The following NELL1 variants were observed in gnomAD, a reference collection of about 807,000 sequenced individuals.
NELL1 encodes the protein neural EGFL like 1.
NELL1 carries 76 observed loss-of-function variants against 107.4 expected under a neutral mutation model. That is an observed-to-expected ratio of 0.71 (90% CI 0.59 to 0.86). The LOEUF is 0.86. NELL1 is among the 40% of genes least tolerant of loss of function. The pLI is 0.00. For synonymous variants in NELL1, 353 were observed against 341.2 expected (o/e 1.03, Z -0.38); for missense variants, 1,024 against 1,005.5 (o/e 1.02, Z -0.25).
chr11:21,149,223 C>G (rs1002867903), intron 13 of NELL1, among the ~76,000 whole-genome samples: 1 of 152,196 alleles, frequency 6.6e-6, no homozygotes, highest in Non-Finnish European at 1.5e-5. Flanking sequence ...GATACATCCC[C>G]TCTAACTGTA....
rs149201326 is a variant in NELL1, at chr11:21,539,539, T to G, written c.1786+5025T>G. Among the ~76,000 whole-genome samples the G allele has an allele frequency of 3.2e-3, 479 of 151,794 alleles. 2 individuals carry two copies. Among genetic ancestry groups the G allele is most frequent in the African/African-American group, 0.01 (431 of 41,440 alleles). On this transcript the variant is annotated intron_variant, in intron 16 of 19. Transcript: ENST00000357134. Reference sequence around the variant, plus strand: ...GATGGATGCGGAGCTGGAAAGGGGATGGACTGGGAAGACGATCTTCCCCTG... The same window carrying G: ...GATGGATGCGGAGCTGGAAAGGGGAGGGACTGGGAAGACGATCTTCCCCTG...
At position 21,253,083 on chromosome 11, in the gene NELL1, C is replaced by T. The variant is rs1858680098; in HGVS notation, c.1549+23629C>T. The stretch of plus-strand genomic sequence containing the variant: ...AGGGTTATCAAGAAATGGTGGAAAA[C>T]ACCTCATTTGTAGACAACCAGGCAT... On this transcript the variant is annotated intron_variant, in intron 14 of 19. Coordinates refer to ENST00000357134, the MANE Select transcript of NELL1 (RefSeq NM_006157.5). Among the ~76,000 whole-genome samples the T allele has an allele frequency of 2.6e-5, 4 of 151,968 alleles. No homozygotes were observed. In the South Asian group the frequency reaches 8.3e-4, roughly 31 times the overall value.
chr11:21,490,353 G>A (rs962013124), intron 15 of NELL1, among the ~76,000 whole-genome samples: 2 of 150,948 alleles, frequency 1.3e-5, no homozygotes, highest in African/African-American at 4.9e-5. Flanking sequence ...TATTATAATG[G>A]CCATACTGTC....
In NELL1 at chr11:20,783,688, A is replaced by G; in HGVS notation, c.193A>G (p.Arg65Gly). The change falls in exon 3 of 20, where the codon AGA becomes GGA. Residue 65 changes from arginine (R) to glycine (G), a missense_variant. By Grantham distance (125) the Arg-to-Gly change is moderately radical (BLOSUM62 -2). Coordinates refer to ENST00000357134, the MANE Select transcript of NELL1 (RefSeq NM_006157.5). ...TTCTTCTTGATTCCTAGACATAGAA[A>G]GAGAGATCCATGCAGCTCCTCATGT... ...SKAFLFQDIE[R>G]EIHAAPHVSE... The G allele has an allele frequency of 6.2e-7, 1 of 1,612,876 alleles. No individual in the cohort carries two copies. Among genetic ancestry groups the G allele is most frequent in the South Asian group, 1.1e-5 (1 of 90,798 alleles).
intron 13 of NELL1, among the ~76,000 whole-genome samples, chr11:21,202,658 C>A (rs1857296293): frequency 6.6e-6 from 1 of 152,120 alleles, no homozygotes; most frequent in Non-Finnish European, 1.5e-5. Context: ...TATTTCTCAT[C>A]TTCTGCTAGC....
intron 14 of NELL1, among the ~76,000 whole-genome samples, chr11:21,322,297 C>T (rs1273931435): frequency 6.6e-6 from 1 of 152,028 alleles, no homozygotes; most frequent in African/African-American, 2.4e-5. Flanking sequence ...AGCTTATTTC[C>T]CCATCTGTGA....
chr11:20,921,873 T>C (rs1288344185), intron 7 of NELL1, among the ~76,000 whole-genome samples: 1 of 150,320 alleles, frequency 6.7e-6, no homozygotes, highest in East Asian at 2.0e-4. Context: ...TCCTTGGAAA[T>C]AGTGAAAATT....
At chr11:20,798,249 G>A (rs565282845) in intron 3 of NELL1, among the ~76,000 whole-genome samples, 8 of 152,240 alleles carry the variant, frequency 5.3e-5, no homozygotes, top group East Asian at 3.9e-4. Context: ...TTAAATCTTC[G>A]TCAGAAGAAA....
At chr11:20,927,224 G>A (rs1330332519) in intron 7 of NELL1, 84 bp from the exon 8 acceptor site, 19 of 1,326,848 alleles carry the variant, frequency 1.4e-5, no homozygotes, top group Non-Finnish European at 1.9e-5. Context: ...CTTCTCAGAA[G>A]GATTTTTTTT....
At chr11:21,052,387 ACT>A (rs1455998648) in intron 12 of NELL1, among the ~76,000 whole-genome samples, 5 of 152,062 alleles carry the variant, frequency 3.3e-5, no homozygotes, top group Admixed American at 3.3e-4. Context: ...CAGGCAGATC[ACT>A]TAGGAGGCTC....
In NELL1 at chr11:21,451,335, C is replaced by T. The variant is rs187581579; in HGVS notation, c.1645+80387C>T. Reference sequence around the variant, plus strand: ...TAATCTTTTGAATAACATAGCAGGGCTGATGTGTTGTTTGCAGATTATGGA... The same window carrying T: ...TAATCTTTTGAATAACATAGCAGGGTTGATGTGTTGTTTGCAGATTATGGA... On this transcript the variant is annotated intron_variant, in intron 15 of 19. Coordinates refer to ENST00000357134, the MANE Select transcript of NELL1 (RefSeq NM_006157.5). Among the ~76,000 whole-genome samples the T allele has an allele frequency of 2.7e-3, 418 of 152,120 alleles. 2 individuals carry two copies. Among genetic ancestry groups the T allele is most frequent in the African/African-American group, 9.5e-3 (396 of 41,514 alleles).
At chr11:20,997,460 G>A (rs1852116435) in intron 12 of NELL1, among the ~76,000 whole-genome samples, 2 of 152,120 alleles carry the variant, frequency 1.3e-5, no homozygotes, top group South Asian at 4.1e-4. Context: ...GGGGATTGTG[G>A]AACAGAATAA....
intron 12 of NELL1, among the ~76,000 whole-genome samples, chr11:21,004,124 G>A (rs957722739): frequency 1.3e-5 from 2 of 152,018 alleles, no homozygotes; most frequent in African/African-American, 2.4e-5. Flanking sequence ...GCACTTTATA[G>A]TACTTGTGGT....
intron 14 of NELL1, among the ~76,000 whole-genome samples, chr11:21,241,703 C>T (rs936431494): frequency 2.6e-5 from 4 of 152,078 alleles, no homozygotes; most frequent in South Asian, 2.1e-4. Flanking sequence ...GTGTGGTTCT[C>T]ACTTGCCTGT....
At chr11:21,078,298 A>G (rs988114456) in intron 12 of NELL1, among the ~76,000 whole-genome samples, 7 of 152,134 alleles carry the variant, frequency 4.6e-5, no homozygotes, top group African/African-American at 1.4e-4. Context: ...AAAGTTTAAG[A>G]GTTCAAAAAA....
chr11:20,862,998 A>G (rs10766729), intron 4 of NELL1, among the ~76,000 whole-genome samples: 100,399 of 151,834 alleles, frequency 0.66, 34,348 homozygotes, highest in Non-Finnish European at 0.76. Flanking sequence ...TCCCATGTCT[A>G]CTTCTTTCTA....
chr11:21,550,000 A>T (rs1423340980), intron 16 of NELL1, among the ~76,000 whole-genome samples: 1 of 151,794 alleles, frequency 6.6e-6, no homozygotes, highest in Non-Finnish European at 1.5e-5. Flanking sequence ...GGTTTTTCCC[A>T]TGAAGCCCAT....
At chr11:20,743,985 G>A (rs544109971) in intron 2 of NELL1, among the ~76,000 whole-genome samples, 6 of 152,118 alleles carry the variant, frequency 3.9e-5, no homozygotes, top group African/African-American at 1.4e-4. Context: ...CAAGATTTAG[G>A]GGCCATTCTT....
chr11:21,323,832 C>T (rs186972423), intron 14 of NELL1, among the ~76,000 whole-genome samples: 1 of 152,236 alleles, frequency 6.6e-6, no homozygotes, highest in East Asian at 1.9e-4. Flanking sequence ...TATCTGCCCC[C>T]TACTGTACCC....
Sources: allele counts gnomAD v4.1 joint callset (sites outside exome capture counted in the v4.1 genomes callset), GRCh38; gene constraint gnomAD v4.1.1; transcripts MANE v1.5; gene names NCBI Gene and HGNC (gene_info 2026-07-23, HGNC 2026-07-21).